GBF1: variants seen among roughly 807,000 people sequenced by gnomAD.
The protein encoded by GBF1 is golgi brefeldin A resistant guanine nucleotide exchange factor 1.
Under a neutral mutation model 210.5 loss-of-function variants are expected in GBF1, and 114 were observed. The ratio of observed to expected loss-of-function variants is 0.54; its 90% CI spans 0.47 to 0.63. The LOEUF (loss-of-function observed/expected upper bound fraction) is 0.63. Among genes scored for constraint, GBF1 ranks in the 30% least tolerant of loss-of-function variants. The pLI is 0.00. For synonymous variants in GBF1, 850 were observed against 889.2 expected (o/e 0.96, Z 0.78); for missense variants, 1,851 against 2,357.7 (o/e 0.79, Z 4.45).
chr10:102,285,973 T>TA (rs923385260), intron 3 of GBF1, among the ~76,000 whole-genome samples: 102 of 151,280 alleles, frequency 6.7e-4, no homozygotes, highest in Non-Finnish European at 1.1e-3. Context: ...TTGGTTGCTT[T>TA]AAAAAAAAAG....
the GBF1 span, among the ~76,000 whole-genome samples, chr10:102,237,827 A>T: frequency 2.0e-5 from 3 of 152,016 alleles, no homozygotes; most frequent in Non-Finnish European, 2.9e-5. Flanking sequence ...CACCAGGAAG[A>T]TGGGCCCTGT....
the GBF1 span, among the ~76,000 whole-genome samples, chr10:102,235,440 T>C: frequency 2.0e-5 from 3 of 152,152 alleles, no homozygotes; most frequent in African/African-American, 7.2e-5. Context: ...TAGATTCACG[T>C]CCTGGCTGTA....
intron 29 of GBF1, among the ~76,000 whole-genome samples, 153 bp downstream of exon 29, chr10:102,371,013 G>T (rs1257034502): frequency 6.6e-6 from 1 of 152,204 alleles, no homozygotes; most frequent in East Asian, 1.9e-4. Flanking sequence ...TCTAGCGGGT[G>T]GTACTGGGAG....
At chr10:102,381,823 G>GAGGA (rs1554985675) in intron 39 of GBF1, among the ~76,000 whole-genome samples, 1 of 19,090 alleles carries the variant, frequency 5.2e-5, no homozygotes, top group Non-Finnish European at 9.8e-5. Flanking sequence ...ACCCTGTCGC[G>GAGGA]AAAAAAAAAA....
chr10:102,373,965 A>AC (rs1459690595), intron 29 of GBF1, among the ~76,000 whole-genome samples: 2 of 152,248 alleles, frequency 1.3e-5, no homozygotes, highest in African/African-American at 4.8e-5. Context: ...ATCTCCAGGG[A>AC]ACTATGCTGA....
intron 3 of GBF1, among the ~76,000 whole-genome samples, chr10:102,273,867 A>G (rs1417410217): frequency 6.6e-6 from 1 of 152,238 alleles, no homozygotes; most frequent in Non-Finnish European, 1.5e-5. Context: ...GGAAGTAATT[A>G]TGACTGATTA....
intron 3 of GBF1, among the ~76,000 whole-genome samples, chr10:102,329,533 G>A (rs949827900): frequency 6.6e-6 from 1 of 151,974 alleles, no homozygotes; most frequent in Admixed American, 6.6e-5. Flanking sequence ...GCACAATCTC[G>A]GCTCACTGCA....
intron 30 of GBF1, among the ~76,000 whole-genome samples, chr10:102,376,062 T>C (rs1253419297): frequency 6.6e-6 from 1 of 151,920 alleles, no homozygotes; most frequent in African/African-American, 2.4e-5. Flanking sequence ...TGCCACTAGA[T>C]GCCATCAGGA....
chr10:102,336,324 AAAAG>A (rs1261580198), intron 3 of GBF1, among the ~76,000 whole-genome samples: 3 of 150,724 alleles, frequency 2.0e-5, no homozygotes, highest in Non-Finnish European at 2.9e-5. Context: ...AGAAAAAAAA[AAAAG>A]AAAGAAATGA....
upstream of GBF1, among the ~76,000 whole-genome samples, chr10:102,241,777 A>C (rs1177275991): frequency 1.3e-5 from 2 of 152,206 alleles, no homozygotes; most frequent in African/African-American, 2.4e-5. This position sits in a 1 kb window ranked among gnomAD's most constrained non-coding sequence, Gnocchi z 6.7. Flanking sequence ...TCCGGCTAGG[A>C]CGCTTAGGCA....
upstream of GBF1, among the ~76,000 whole-genome samples, chr10:102,240,430 A>G (rs2070503685): frequency 6.6e-6 from 1 of 152,206 alleles, no homozygotes; most frequent in Non-Finnish European, 1.5e-5. Flanking sequence ...CTCCCTGCTC[A>G]CAGCTTCGCA....
At position 102,376,586 on chromosome 10, in the gene GBF1, C is replaced by A. The variant is rs140811346; in HGVS notation, c.4074C>A (p.Ser1358=). The A allele has an allele frequency of 2.1e-4, 343 of 1,613,900 alleles. 2 individuals are homozygous for A. The East Asian group carries it at 5.3e-3, about 25-fold the overall frequency. The stretch of plus-strand genomic sequence containing the variant: ...TTGGGAAGGATGACGTTGATAACTC[C>A]AAGCCAGGGCCCAGCCGCCCAGGCC... ...LVVGKDDVDN[S]KPGPSRPGPS... The change falls in exon 32 of 40, where the codon TCC becomes TCA. Residue 1358 remains serine (S), a synonymous_variant. Transcript: ENST00000369983.
chr10:102,258,766 C>A (rs1261011510), intron 1 of GBF1, among the ~76,000 whole-genome samples, 163 bp from the exon 2 acceptor site: 2 of 139,486 alleles, frequency 1.4e-5, no homozygotes, highest in African/African-American at 5.4e-5. Context: ...AAGAGTGAAA[C>A]TCTGCCTCAA....
chr10:102,241,765 G>T (rs2070544472), upstream of GBF1, among the ~76,000 whole-genome samples: 1 of 152,250 alleles, frequency 6.6e-6, no homozygotes, highest in South Asian at 2.1e-4. This position sits in a 1 kb window ranked among gnomAD's most constrained non-coding sequence, Gnocchi z 6.7. Context: ...CAGAGACCGC[G>T]CTCCGGCTAG....
chr10:102,359,141 C>T lies in GBF1; in HGVS notation c.1012-126C>T. On this transcript the variant is annotated intron_variant, in intron 10 of 39. Coordinates refer to ENST00000369983, the MANE Select transcript of GBF1 (RefSeq NM_001377137.1). ...GAGCCATCTTGCGGTGATTCATAAACCACTGAGTTGGCCCTACATCTGTAG... is the reference window on the plus strand; with the variant it reads ...GAGCCATCTTGCGGTGATTCATAAATCACTGAGTTGGCCCTACATCTGTAG... 5.7e-6 allele frequency: 4 copies of T among 702,496 alleles called. No individual in the cohort carries two copies. The South Asian group carries it at 6.2e-5, about 11-fold the overall frequency. 43.5% of individuals were successfully genotyped at this position (702,496 alleles called of 1,614,324 possible). A position where few individuals can be genotyped will look rare whatever the true frequency, so the allele number is the denominator to read the frequency against.
chr10:102,329,110 A>G (rs1297170175), intron 3 of GBF1, among the ~76,000 whole-genome samples: 2 of 152,210 alleles, frequency 1.3e-5, no homozygotes, highest in South Asian at 2.1e-4. Context: ...TCTGTATGCT[A>G]TAGCTGAATT....
In GBF1 at chr10:102,376,792, T is replaced by C. The variant is rs771226037; in HGVS notation, c.4280T>C (p.Leu1427Pro). The C allele has an allele frequency of 1.2e-5, 20 of 1,608,930 alleles. No homozygotes were observed. Among genetic ancestry groups the C allele is most frequent in the Non-Finnish European group, 1.6e-5 (19 of 1,179,892 alleles). ...KTLRIFVEAS[L>P]NGGCKSQEKR... is the part of the protein sequence containing the mutation. ...CTCCGGATCTTTGTGGAGGCCAGTCTGAATGGCGGTGGGTCAGCTGATGAG... is the reference window on the plus strand; with the variant it reads ...CTCCGGATCTTTGTGGAGGCCAGTCCGAATGGCGGTGGGTCAGCTGATGAG... Residue 1427 changes from leucine to proline, a missense_variant, in exon 32 of 40, where the codon CTG (leucine) becomes CCG (proline). Transcript: ENST00000369983.
the GBF1 span, among the ~76,000 whole-genome samples, chr10:102,234,218 A>G: frequency 6.6e-6 from 1 of 152,172 alleles, no homozygotes; most frequent in Non-Finnish European, 1.5e-5. Flanking sequence ...GTATTTGCAC[A>G]TGGTAATGCC....
chr10:102,353,491 T>C, intron 7 of GBF1, 109 bp from the exon 8 acceptor site: 1 of 782,762 alleles, frequency 1.3e-6, no homozygotes, highest in East Asian at 2.4e-5. Flanking sequence ...TAGCCTTTTC[T>C]AAGACACAGG....
Sources: gnomAD v4.1 joint callset for allele counts (sites outside exome capture counted in the v4.1 genomes callset) on GRCh38, gnomAD v4.1.1 for gene constraint, Gnocchi (gnomAD v3.1) non-coding constraint, MANE v1.5 for transcripts, NCBI Gene and HGNC (gene_info 2026-07-23, HGNC 2026-07-21) for gene names.